Variants in TMEM45A observed in about 807,000 individuals in gnomAD.
TMEM45A encodes the protein transmembrane protein 45A.
TMEM45A carries 25 observed loss-of-function variants against 32.0 expected under a neutral mutation model. That is an observed-to-expected ratio of 0.78 (90% CI 0.57 to 1.09). The LOEUF (loss-of-function observed/expected upper bound fraction) is 1.09. TMEM45A is among the 50% of genes least tolerant of loss of function. The pLI, the probability that TMEM45A is intolerant of heterozygous loss-of-function variation, is 0.00. For synonymous variants in TMEM45A, 122 were observed against 114.8 expected, an observed-to-expected ratio of 1.06 and a Z score of -0.40; for missense variants, 302 against 325.0, an observed-to-expected ratio of 0.93 and a Z score of 0.54.
At chr3:100,508,294 A>G (rs1708105068) in intron 1 of TMEM45A, among the ~76,000 whole-genome samples, 1 of 152,176 alleles carries the variant, frequency 6.6e-6, no homozygotes, top group African/African-American at 2.4e-5. Context: ...AAGCAACTGC[A>G]GCGTGGTGCC....
intron 1 of TMEM45A, among the ~76,000 whole-genome samples, chr3:100,521,627 C>T (rs1705438383): frequency 6.6e-6 from 1 of 152,174 alleles, no homozygotes; most frequent in Non-Finnish European, 1.5e-5. Context: ...ACACCAGCTG[C>T]AGCACGTACG....
intron 1 of TMEM45A, among the ~76,000 whole-genome samples, chr3:100,507,653 G>A (rs1708096765): frequency 6.6e-6 from 1 of 152,174 alleles, no homozygotes; most frequent in South Asian, 2.1e-4. Context: ...CAGGGATGAA[G>A]AATGGATGCT....
chr3:100,509,222 A>C (rs906906030), intron 1 of TMEM45A, among the ~76,000 whole-genome samples: 2 of 152,168 alleles, frequency 1.3e-5, no homozygotes, highest in African/African-American at 4.8e-5. Context: ...GCAAATCAAA[A>C]CCACAATGAG....
intron 5 of TMEM45A, chr3:100,572,315 C>G (rs1489020587): frequency 3.3e-5 from 5 of 151,946 alleles, no homozygotes; most frequent in South Asian, 2.1e-4. Context: ...GATGGTATCT[C>G]ATTGTGGTTT....
At chr3:100,516,197 G>A (rs759615968) in intron 1 of TMEM45A, among the ~76,000 whole-genome samples, 13 of 152,194 alleles carry the variant, frequency 8.5e-5, no homozygotes, top group African/African-American at 2.9e-4. Context: ...AATGAGCTCC[G>A]GACTGCCATA....
intron 1 of TMEM45A, among the ~76,000 whole-genome samples, chr3:100,537,430 C>T (rs1480264256): frequency 3.3e-5 from 5 of 152,148 alleles, no homozygotes; most frequent in Non-Finnish European, 7.3e-5. Context: ...TCTGGGCCTC[C>T]ATTGATTGCC....
At chr3:100,518,650 G>A (rs1481354180) in intron 1 of TMEM45A, among the ~76,000 whole-genome samples, 1 of 152,202 alleles carries the variant, frequency 6.6e-6, no homozygotes, top group African/African-American at 2.4e-5. Context: ...TACAAGTGCT[G>A]AAACTAGCAC....
chr3:100,541,262 C>T (rs749221088), intron 1 of TMEM45A, among the ~76,000 whole-genome samples: 5 of 152,116 alleles, frequency 3.3e-5, no homozygotes, highest in Non-Finnish European at 5.9e-5. Flanking sequence ...AAAATTCGCT[C>T]CCATTCTATA....
At chr3:100,494,671 G>C (rs902972761) in intron 1 of TMEM45A, among the ~76,000 whole-genome samples, 1 of 152,020 alleles carries the variant, frequency 6.6e-6, no homozygotes, top group South Asian at 2.1e-4. Flanking sequence ...GATTCAGAAA[G>C]GTAATGCATA....
At chr3:100,516,788 A>G (rs921186559) in intron 1 of TMEM45A, among the ~76,000 whole-genome samples, 1 of 152,026 alleles carries the variant, frequency 6.6e-6, no homozygotes, top group African/African-American at 2.4e-5. Context: ...AAATTAAGAG[A>G]GCCCATTTTT....
chr3:100,557,594 AT>A (rs1706249024), intron 3 of TMEM45A, among the ~76,000 whole-genome samples: 1 of 151,868 alleles, frequency 6.6e-6, no homozygotes, highest in African/African-American at 2.4e-5. Context: ...TAAAAAATAG[AT>A]TGATTATGGA....
At chr3:100,559,448 G>T (rs1251340830) in intron 4 of TMEM45A, among the ~76,000 whole-genome samples, 2 of 152,138 alleles carry the variant, frequency 1.3e-5, no homozygotes, top group Admixed American at 6.5e-5. Context: ...GGATAGAAAA[G>T]ATGCAATATT....
chr3:100,508,226 C>T (rs1389035174), intron 1 of TMEM45A, among the ~76,000 whole-genome samples: 11 of 152,224 alleles, frequency 7.2e-5, no homozygotes, highest in African/African-American at 2.4e-4. Flanking sequence ...GGAGCCCACA[C>T]GATGGCATTG....
At chr3:100,532,784 G>C (rs182985760) in intron 1 of TMEM45A, among the ~76,000 whole-genome samples, 49 of 152,202 alleles carry the variant, frequency 3.2e-4, no homozygotes, top group Admixed American at 1.3e-3. Context: ...GTTTGACCTG[G>C]GCAAGTTTTT....
Position 100,577,028 on chromosome 3 carries a change from G to A in TMEM45A, c.*10G>A, listed in dbSNP as rs1199613891. Reference sequence around the variant, plus strand: ...AGAAGAAGAAATGTGACTTTGATGAGCTTCCAGTTTTTCTAGATAAACCTT... The same window carrying A: ...AGAAGAAGAAATGTGACTTTGATGAACTTCCAGTTTTTCTAGATAAACCTT... On this transcript the variant is annotated 3_prime_UTR_variant, in exon 6 of 6. Coordinates refer to ENST00000323523, the MANE Select transcript of TMEM45A (RefSeq NM_018004.3). 2.5e-6 allele frequency: 4 copies of A among 1,604,120 alleles called. No homozygotes were observed. Among genetic ancestry groups the A allele is most frequent in the East Asian group, 2.2e-5 (1 of 44,748 alleles).
chr3:100,511,205 G>T (rs1708154727), intron 1 of TMEM45A, among the ~76,000 whole-genome samples: 1 of 152,098 alleles, frequency 6.6e-6, no homozygotes, highest in Non-Finnish European at 1.5e-5. Context: ...AGGAAAAAAT[G>T]TTAAGGGCAG....
intron 1 of TMEM45A, among the ~76,000 whole-genome samples, chr3:100,505,523 C>T (rs1017126069): frequency 5.9e-5 from 9 of 152,212 alleles, no homozygotes; most frequent in African/African-American, 9.7e-5. Flanking sequence ...TAGCAAAGTG[C>T]GTCTTTGCCA....
chr3:100,494,325 A>G (rs62276521), intron 1 of TMEM45A, among the ~76,000 whole-genome samples: 34,055 of 152,116 alleles, frequency 0.22, 4,190 homozygotes, highest in East Asian at 0.36. Context: ...AATTTAGTAC[A>G]ATAATTAAAA....
chr3:100,553,602 C>G (rs1368999988), intron 1 of TMEM45A, among the ~76,000 whole-genome samples: 2 of 152,138 alleles, frequency 1.3e-5, no homozygotes, highest in Non-Finnish European at 2.9e-5. Flanking sequence ...AACTCAGCAA[C>G]ACTGTGATAA....
Sources: allele counts gnomAD v4.1 joint callset (sites outside exome capture counted in the v4.1 genomes callset), GRCh38; gene constraint gnomAD v4.1.1; transcripts MANE v1.5; gene names NCBI Gene and HGNC (gene_info 2026-07-23, HGNC 2026-07-21).